The following ASTN1 variants were observed in gnomAD, a reference collection of about 807,000 sequenced individuals.
ASTN1 encodes astrotactin 1, also known as astrotactin-1.
Under a neutral mutation model 140.7 loss-of-function variants are expected in ASTN1, and 41 were observed. That is an observed-to-expected ratio of 0.29 (90% CI 0.23 to 0.38). ASTN1 has a LOEUF of 0.38. Ranked by LOEUF, ASTN1 falls within the 10% of genes least tolerant of loss-of-function variation. The pLI is 1.00. For missense variants in ASTN1, 1,479 were observed against 1,678.8 expected, an observed-to-expected ratio of 0.88 and a Z score of 2.08; for synonymous variants, 640 against 652.2, an observed-to-expected ratio of 0.98 and a Z score of 0.29.
chr1:177,122,387 T>A (rs1041238612), intron 1 of ASTN1, among the ~76,000 whole-genome samples: 15 of 152,238 alleles, frequency 9.9e-5, no homozygotes, highest in Non-Finnish European at 1.6e-4. Context: ...AGTTGTAATA[T>A]CTGAGGACAC....
chr1:177,106,875 A>T (rs113714475), intron 1 of ASTN1, among the ~76,000 whole-genome samples: 10 of 152,218 alleles, frequency 6.6e-5, no homozygotes, highest in Middle Eastern at 3.2e-3. Flanking sequence ...CAGGAAAAAG[A>T]GCAGCAGGAA....
intron 14 of ASTN1, among the ~76,000 whole-genome samples, chr1:176,939,155 T>C (rs1671578570): frequency 6.6e-6 from 1 of 151,928 alleles, no homozygotes; most frequent in Non-Finnish European, 1.5e-5. Context: ...GAAAGTATCA[T>C]AGTATCATAC....
intron 1 of ASTN1, among the ~76,000 whole-genome samples, chr1:177,088,224 A>G (rs35937607): frequency 6.6e-6 from 1 of 152,140 alleles, no homozygotes; most frequent in African/African-American, 2.4e-5. Flanking sequence ...AGAATGGAAG[A>G]TTTCCCACCT....
At chr1:176,942,844 A>AT (rs1671790833) in intron 14 of ASTN1, among the ~76,000 whole-genome samples, 2 of 76,388 alleles carry the variant, frequency 2.6e-5, no homozygotes, top group Non-Finnish European at 5.6e-5. Flanking sequence ...ATGTATATAT[A>AT]TATATATATA....
chr1:177,052,638 A>G (rs1482748015), intron 2 of ASTN1, among the ~76,000 whole-genome samples: 1 of 152,192 alleles, frequency 6.6e-6, no homozygotes, highest in Non-Finnish European at 1.5e-5. Flanking sequence ...TCTCAGAGCC[A>G]ATCTCAGGCT....
Position 176,876,617 on chromosome 1 carries a change from T to C in ASTN1, c.3383A>G (p.Asp1128Gly). 1 of 1,614,160 alleles carries C rather than the reference T, an allele frequency of 6.2e-7. No homozygotes were observed. The highest frequency in any genetic ancestry group is 8.5e-7 in the Non-Finnish European group (1 of 1,180,004). The change falls in exon 21 of 23, where the codon GAC (aspartate) becomes GGC (glycine). Residue 1128 changes from aspartate (D) to glycine (G), a missense_variant. By Grantham distance (94) the Asp-to-Gly change is moderately conservative. Transcript: ENST00000361833. ...TGGCCTGGAGCGCCGTCCTGTGTTG[T>C]CCACTCCCCACAGCGTGAACCTGGC... ...TIYMFTLWGV[D>G]NTGRRSRPSD...
intron 18 of ASTN1, among the ~76,000 whole-genome samples, chr1:176,885,605 G>A (rs1669002424): frequency 6.6e-6 from 1 of 151,940 alleles, no homozygotes; most frequent in South Asian, 2.1e-4. Context: ...CCTTTTCTCT[G>A]CTTGGCTCAC....
chr1:176,975,153 T>C (rs61813275), intron 8 of ASTN1, among the ~76,000 whole-genome samples: 7,978 of 152,270 alleles, frequency 0.052, 263 homozygotes, highest in Middle Eastern at 0.1. Flanking sequence ...AAATCTTGAG[T>C]GGGTCAGAAA....
chr1:177,082,732 CTCCT>C (rs1418004502), intron 1 of ASTN1, among the ~76,000 whole-genome samples: 2 of 152,176 alleles, frequency 1.3e-5, no homozygotes, highest in Non-Finnish European at 2.9e-5. Flanking sequence ...GCATTAAATA[CTCCT>C]GGCTTCCCTG....
chr1:177,116,493 C>A (rs1199863010), intron 1 of ASTN1, among the ~76,000 whole-genome samples: 2 of 152,126 alleles, frequency 1.3e-5, no homozygotes, highest in Admixed American at 1.3e-4. Flanking sequence ...TACACCCATT[C>A]ATAAAAAATA....
chr1:176,937,061 C>T (rs1170298452), intron 14 of ASTN1, among the ~76,000 whole-genome samples: 2 of 152,138 alleles, frequency 1.3e-5, no homozygotes, highest in African/African-American at 2.4e-5. Context: ...TGAGGCCAGG[C>T]GGCAGTTCTT....
intron 7 of ASTN1, among the ~76,000 whole-genome samples, chr1:177,020,823 C>A (rs1467964730): frequency 1.3e-5 from 2 of 152,196 alleles, no homozygotes. Flanking sequence ...CAGGAGGCTG[C>A]TCCTTTGCAG....
chr1:177,031,090 C>T, intron 3 of ASTN1, 138 bp from the exon 4 acceptor site: 1 of 944,810 alleles, frequency 1.1e-6, no homozygotes, highest in Non-Finnish European at 1.5e-6. Flanking sequence ...AGACTGGCTG[C>T]AAGAAACTGA....
At chr1:176,997,542 G>A (rs999861224) in intron 8 of ASTN1, among the ~76,000 whole-genome samples, 1 of 151,960 alleles carries the variant, frequency 6.6e-6, no homozygotes, top group East Asian at 1.9e-4. Flanking sequence ...ATCCTCCGAG[G>A]AGGACACATC....
chr1:177,062,062 C>T (rs190243181), intron 1 of ASTN1, among the ~76,000 whole-genome samples: 13 of 152,196 alleles, frequency 8.5e-5, no homozygotes, highest in African/African-American at 2.9e-4. Flanking sequence ...TAAGGTAGTA[C>T]TGCAAAATAT....
At chr1:177,051,063 A>G (rs1241999655) in intron 2 of ASTN1, among the ~76,000 whole-genome samples, 2 of 152,250 alleles carry the variant, frequency 1.3e-5, no homozygotes, top group African/African-American at 4.8e-5. Context: ...TAAACTCATC[A>G]GTGTCTCTCA....
chr1:176,862,539 T>C lies in ASTN1; in HGVS notation c.*1745A>G, dbSNP rs1000727480. 8 of 985,318 alleles carry C rather than the reference T, an allele frequency of 8.1e-6. No homozygotes were observed. The Admixed American group carries it at 2.5e-4, about 30-fold the overall frequency. The allele number at this position is 985,318 out of a possible 1,614,324, so 61.0% of individuals were successfully genotyped here. On this transcript the variant is annotated 3_prime_UTR_variant, in exon 23 of 23. Coordinates refer to ENST00000361833, the MANE Select transcript of ASTN1 (RefSeq NM_004319.3). ...GTGGGGCTGAGAGCTTGGACAGTTG[T>C]GTGCCAGATGATACTGAAAACAGAA...
rs138134042 is a variant in ASTN1, at chr1:176,955,516, G to C, written c.1887+2162C>G. Among the ~76,000 whole-genome samples the C allele has an allele frequency of 5.4e-3, 827 of 152,340 alleles. 2 individuals are homozygous for C. The highest frequency in any genetic ancestry group is 8.8e-3 in the Non-Finnish European group (602 of 68,034). ...GCCCCTCCTTCTCCAGAAGCCACGT[G>C]GTCCAGTGGCTTCAAAGTGTTATGC... On this transcript the variant is annotated intron_variant, in intron 11 of 22. Coordinates refer to ENST00000361833, the MANE Select transcript of ASTN1 (RefSeq NM_004319.3).
chr1:177,114,841 C>T (rs1681003428), intron 1 of ASTN1, among the ~76,000 whole-genome samples: 1 of 152,188 alleles, frequency 6.6e-6, no homozygotes, highest in South Asian at 2.1e-4. Context: ...TTTTGCCTTT[C>T]CTCTGGTTCC....
Sources: gnomAD v4.1 joint callset for allele counts (sites outside exome capture counted in the v4.1 genomes callset) on GRCh38, gnomAD v4.1.1 for gene constraint, MANE v1.5 for transcripts, NCBI Gene and HGNC (gene_info 2026-07-23, HGNC 2026-07-21) for gene names.